Variants in ARK2C observed in about 807,000 individuals in gnomAD.
ARK2C encodes E3 ubiquitin-protein ligase ARK2C.
chr18:46,403,601 G>C, the ARK2C span, among the ~76,000 whole-genome samples: 1 of 152,114 alleles, frequency 6.6e-6, no homozygotes, highest in African/African-American at 2.4e-5. Context: ...GATCCGGCTG[G>C]GTGCAGTGGC....
At chr18:46,451,673 T>C in the ARK2C span, among the ~76,000 whole-genome samples, 1 of 152,092 alleles carries the variant, frequency 6.6e-6, no homozygotes, top group Non-Finnish European at 1.5e-5. Context: ...TTCATGGTGG[T>C]ATGAACTTGT....
chr18:46,403,589 C>G, the ARK2C span, among the ~76,000 whole-genome samples: 1 of 152,150 alleles, frequency 6.6e-6, no homozygotes, highest in Non-Finnish European at 1.5e-5. Flanking sequence ...TCATGAAAAT[C>G]AGATCCGGCT....
the ARK2C span, among the ~76,000 whole-genome samples, chr18:46,455,272 C>T: frequency 2.0e-5 from 3 of 152,040 alleles, no homozygotes; most frequent in Non-Finnish European, 4.4e-5. Context: ...ATAAATGAAA[C>T]CTGCTGGGCC....
the ARK2C span, among the ~76,000 whole-genome samples, chr18:46,350,629 C>T: frequency 5.3e-5 from 8 of 152,130 alleles, no homozygotes; most frequent in Non-Finnish European, 7.4e-5. Flanking sequence ...TCTCTGCTGG[C>T]GTTCCTCCTG....
the ARK2C span, among the ~76,000 whole-genome samples, chr18:46,347,885 T>C: frequency 1.3e-5 from 2 of 152,160 alleles, no homozygotes; most frequent in Non-Finnish European, 2.9e-5. Context: ...TCAGCTCATC[T>C]AACACATACC....
chr18:46,423,286 G>A, the ARK2C span, among the ~76,000 whole-genome samples: 1 of 152,304 alleles, frequency 6.6e-6, no homozygotes, highest in South Asian at 2.1e-4. Context: ...AGGAGGCCTG[G>A]GGCTATTGGC....
the ARK2C span, among the ~76,000 whole-genome samples, chr18:46,391,578 C>G: frequency 6.6e-6 from 1 of 152,038 alleles, no homozygotes; most frequent in Non-Finnish European, 1.5e-5. Context: ...CCTGCTCGAG[C>G]AGGGTAGTTT....
chr18:46,439,814 G>C, the ARK2C span, among the ~76,000 whole-genome samples: 50 of 152,280 alleles, frequency 3.3e-4, no homozygotes, highest in Non-Finnish European at 5.7e-4. Context: ...CTCATGGCCA[G>C]TTTTGTTTTT....
the ARK2C span, among the ~76,000 whole-genome samples, chr18:46,359,417 G>A: frequency 6.6e-6 from 1 of 152,172 alleles, no homozygotes; most frequent in Admixed American, 6.5e-5. Flanking sequence ...CACATGGAGG[G>A]GACCTGACCA....
At chr18:46,419,374 G>A in the ARK2C span, among the ~76,000 whole-genome samples, 1 of 152,300 alleles carries the variant, frequency 6.6e-6, no homozygotes, top group African/African-American at 2.4e-5. Context: ...AATGGGGGAG[G>A]AGGTGGGGGA....
At chr18:46,388,445 C>A in the ARK2C span, among the ~76,000 whole-genome samples, 1 of 152,188 alleles carries the variant, frequency 6.6e-6, no homozygotes, top group Admixed American at 6.5e-5. Context: ...TCCTGTGGAA[C>A]AATTTGTTCC....
the ARK2C span, chr18:46,334,729 A>AGC: frequency 6.6e-6 from 2 of 302,106 alleles, no homozygotes; most frequent in African/African-American, 5.5e-5. This position sits in a 1 kb window ranked among gnomAD's most constrained non-coding sequence, Gnocchi z 4.4. Context: ...AGAGAGAGAG[A>AGC]GCGCGCGCGC....
the ARK2C span, among the ~76,000 whole-genome samples, chr18:46,350,258 C>T: frequency 2.6e-5 from 4 of 152,196 alleles, no homozygotes; most frequent in South Asian, 4.1e-4. Flanking sequence ...AAACACCATG[C>T]GTATGCGTGT....
At chr18:46,337,480 G>A in the ARK2C span, 4 of 985,256 alleles carry the variant, frequency 4.1e-6, no homozygotes, top group African/African-American at 3.5e-5. Context: ...TACTGTGGTC[G>A]TGTAGCCCGG....
chr18:46,353,586 C>T, the ARK2C span, among the ~76,000 whole-genome samples: 1,508 of 152,350 alleles, frequency 9.9e-3, 5 homozygotes, highest in South Asian at 0.016. Context: ...CTTAATCCCA[C>T]TCCATCCCTC....
At chr18:46,406,569 C>T in the ARK2C span, among the ~76,000 whole-genome samples, 1 of 152,204 alleles carries the variant, frequency 6.6e-6, no homozygotes, top group Admixed American at 6.5e-5. Context: ...TCAGAGAGGT[C>T]CTGGCTTGCC....
At chr18:46,452,335 A>T in the ARK2C span, among the ~76,000 whole-genome samples, 2 of 152,196 alleles carry the variant, frequency 1.3e-5, no homozygotes, top group South Asian at 4.1e-4. Flanking sequence ...GCTGGAGTGC[A>T]GTGGCACGAT....
At chr18:46,434,758 C>T in the ARK2C span, among the ~76,000 whole-genome samples, 2 of 152,036 alleles carry the variant, frequency 1.3e-5, no homozygotes, top group African/African-American at 4.8e-5. Context: ...AGAAGGTGAG[C>T]GCTGTAGGAG....
At chr18:46,385,452 A>G in the ARK2C span, among the ~76,000 whole-genome samples, 3 of 152,310 alleles carry the variant, frequency 2.0e-5, no homozygotes, top group African/African-American at 7.2e-5. Context: ...TTGCACAAGG[A>G]TGTCCAGGTT....
Sources: gnomAD v4.1 joint callset for allele counts (sites outside exome capture counted in the v4.1 genomes callset) on GRCh38, gnomAD v4.1.1 for gene constraint, Gnocchi (gnomAD v3.1) non-coding constraint, MANE v1.5 for transcripts, NCBI Gene and HGNC (gene_info 2026-07-23, HGNC 2026-07-21) for gene names.